Variants in RSBN1L observed in about 807,000 individuals in gnomAD.
RSBN1L encodes round spermatid basic protein 1 like.
A neutral mutation model predicts 67.7 loss-of-function variants in RSBN1L; 30 were observed. The ratio of observed to expected loss-of-function variants is 0.44; its 90% CI spans 0.33 to 0.60. RSBN1L has a LOEUF of 0.60. RSBN1L is among the 20% of genes least tolerant of loss of function. RSBN1L has a pLI of 0.02. For synonymous variants in RSBN1L, 433 were observed against 387.0 expected, an observed-to-expected ratio of 1.12 and a Z score of -1.39; for missense variants, 992 against 1,031.7, an observed-to-expected ratio of 0.96 and a Z score of 0.53.
intron 3 of RSBN1L, among the ~76,000 whole-genome samples, chr7:77,757,326 A>G (rs1791633220): frequency 6.6e-6 from 1 of 152,124 alleles, no homozygotes. Flanking sequence ...TTCCATCTTC[A>G]TCTGTATCCT....
intron 2 of RSBN1L, among the ~76,000 whole-genome samples, chr7:77,741,691 CAAA>C (rs534456779): frequency 7.2e-5 from 6 of 83,612 alleles, no homozygotes; most frequent in Non-Finnish European, 7.8e-5. Flanking sequence ...GACTCGGTCT[CAAA>C]AAAAAAAAAA....
At chr7:77,728,667 C>G (rs368151424) in intron 1 of RSBN1L, among the ~76,000 whole-genome samples, 1 of 152,158 alleles carries the variant, frequency 6.6e-6, no homozygotes, top group Non-Finnish European at 1.5e-5. Flanking sequence ...GTGCTTCTTG[C>G]GGATTAAGGC....
intron 2 of RSBN1L, among the ~76,000 whole-genome samples, chr7:77,739,775 A>G (rs1791385067): frequency 3.4e-4 from 20 of 59,652 alleles, no homozygotes; most frequent in Non-Finnish European, 4.4e-4. Flanking sequence ...TTTTGAGAGG[A>G]GTCTTGCTCT....
At chr7:77,746,436 T>C (rs1388975026) in intron 2 of RSBN1L, among the ~76,000 whole-genome samples, 2 of 152,168 alleles carry the variant, frequency 1.3e-5, no homozygotes, top group Non-Finnish European at 2.9e-5. Flanking sequence ...TTCACCCCCA[T>C]GATTTCAGTT....
chr7:77,753,599 TC>T (rs1791581297), intron 3 of RSBN1L, among the ~76,000 whole-genome samples: 1 of 152,218 alleles, frequency 6.6e-6, no homozygotes, highest in South Asian at 2.1e-4. Context: ...AACTAGAAGT[TC>T]CTAAGTTTAA....
At chr7:77,717,379 A>C (rs536545244) in intron 1 of RSBN1L, among the ~76,000 whole-genome samples, 1 of 152,238 alleles carries the variant, frequency 6.6e-6, no homozygotes, top group East Asian at 1.9e-4. Flanking sequence ...CTAGTATATA[A>C]AAAAGACTTT....
chr7:77,761,415 T>G (rs1562807500), intron 3 of RSBN1L, among the ~76,000 whole-genome samples: 1 of 152,258 alleles, frequency 6.6e-6, no homozygotes, highest in African/African-American at 2.4e-5. Context: ...AATCCTTATC[T>G]GTTACCTCTT....
rs113253892 is a variant in RSBN1L at position 77,760,002 on chromosome 7, G to A, written c.1345-5493G>A. ...AACAGCAGGTTGTTTCAAGTGAGTCGTTCTTTGGGGTTTTTTAAAAAATTA... is the reference window on the plus strand; with the variant it reads ...AACAGCAGGTTGTTTCAAGTGAGTCATTCTTTGGGGTTTTTTAAAAAATTA... On this transcript the variant is annotated intron_variant, in intron 3 of 7. Transcript: ENST00000334955. 7.8e-3 allele frequency among the ~76,000 whole-genome samples: 1,193 copies of A among 152,170 alleles called. 16 individuals carry two copies. The highest frequency in any genetic ancestry group is 0.023 in the African/African-American group (942 of 41,506).
intron 1 of RSBN1L, among the ~76,000 whole-genome samples, chr7:77,727,909 A>AT (rs1791227925): frequency 6.6e-6 from 1 of 152,092 alleles, no homozygotes; most frequent in Non-Finnish European, 1.5e-5. Flanking sequence ...GGCTTTCTTC[A>AT]TTTTTGTGTA....
chr7:77,705,293 C>G (rs1185657002), intron 1 of RSBN1L, among the ~76,000 whole-genome samples: 1 of 151,916 alleles, frequency 6.6e-6, no homozygotes, highest in Non-Finnish European at 1.5e-5. Context: ...AAATAATTGT[C>G]TTATTGTGGT....
chr7:77,736,975 A>T lies in RSBN1L; in HGVS notation c.703+449A>T, dbSNP rs530101948. Reference sequence around the variant, plus strand: ...GAGGGAACATTTTACTCTGAGCTAAATCAGAAGCGGTATGTTTCTTGTATG... The same window carrying T: ...GAGGGAACATTTTACTCTGAGCTAATTCAGAAGCGGTATGTTTCTTGTATG... On this transcript the variant is annotated intron_variant, in intron 2 of 7. Transcript: ENST00000334955. Among the ~76,000 whole-genome samples the T allele has an allele frequency of 4.6e-5, 7 of 152,250 alleles. No homozygotes were observed. The South Asian group carries it at 1.5e-3, about 32-fold the overall frequency.
At chr7:77,720,816 A>T (rs1366104304) in intron 1 of RSBN1L, among the ~76,000 whole-genome samples, 1 of 127,328 alleles carries the variant, frequency 7.9e-6, no homozygotes, top group African/African-American at 3.1e-5. Context: ...CCCAGGCTCG[A>T]GTGCAGTGGT....
At chr7:77,702,211 C>T (rs1166800459) in intron 1 of RSBN1L, among the ~76,000 whole-genome samples, 1 of 152,136 alleles carries the variant, frequency 6.6e-6, no homozygotes, top group East Asian at 1.9e-4. Flanking sequence ...CATGATCCAC[C>T]CGCCTTGGCC....
chr7:77,749,537 A>G lies in RSBN1L; in HGVS notation c.817A>G (p.Ser273Gly). ...AAAACGGAAGCGTCCGAAAATGTATAGCAAATCTATTCAGACCATCTGCTC... is the reference window on the plus strand; with the variant it reads ...AAAACGGAAGCGTCCGAAAATGTATGGCAAATCTATTCAGACCATCTGCTC... ...NEKRKRPKMY[S>G]KSIQTICSGL... The change falls in exon 3 of 8, where the codon AGC becomes GGC. Residue 273 changes from serine to glycine, a missense_variant. This residue lies in a region of RSBN1L where 575 missense variants were observed against 483.2 expected (regional missense o/e 1.19). Coordinates refer to ENST00000334955, the MANE Select transcript of RSBN1L (RefSeq NM_198467.3). 1.9e-6 allele frequency: 3 copies of G among 1,612,648 alleles called. No individual in the cohort carries two copies. The highest frequency in any genetic ancestry group is 1.7e-6 in the Non-Finnish European group (2 of 1,179,708).
intron 2 of RSBN1L, among the ~76,000 whole-genome samples, chr7:77,742,003 C>A (rs1433262212): frequency 6.6e-6 from 1 of 151,786 alleles, no homozygotes; most frequent in Non-Finnish European, 1.5e-5. Flanking sequence ...TCACAGGACT[C>A]AGCATATGGT....
intron 1 of RSBN1L, among the ~76,000 whole-genome samples, chr7:77,700,588 C>A (rs1401083267): frequency 6.6e-6 from 1 of 152,168 alleles, no homozygotes; most frequent in Non-Finnish European, 1.5e-5. Flanking sequence ...CTACACTCTC[C>A]TCCAGTATTG....
intron 1 of RSBN1L, among the ~76,000 whole-genome samples, chr7:77,702,581 A>T (rs542510202): frequency 2.0e-5 from 3 of 152,064 alleles, no homozygotes; most frequent in African/African-American, 7.2e-5. Flanking sequence ...GAAGGCTTTC[A>T]GTTTCTTCAG....
intron 2 of RSBN1L, among the ~76,000 whole-genome samples, chr7:77,748,322 A>G (rs1457209178): frequency 2.0e-5 from 3 of 152,194 alleles, no homozygotes; most frequent in Non-Finnish European, 4.4e-5. Flanking sequence ...ATTCTGTCAA[A>G]TCACGGAGAC....
rs1406668010 is a variant in RSBN1L at position 77,781,526 on chromosome 7, T to C, written c.*2358T>C. On this transcript the variant is annotated 3_prime_UTR_variant, in exon 8 of 8. Transcript: ENST00000334955. ...CATATATGTAGATGCATTGAGGTCA[T>C]ACTGTGAGAAAATGTCTTTAGGGTA... is the stretch of plus-strand genomic sequence containing the variant. 1.3e-5 allele frequency: 2 copies of C among 152,188 alleles called. No homozygotes were observed. The highest frequency in any genetic ancestry group is 2.9e-5 in the Non-Finnish European group (2 of 68,032). The allele number at this position is 152,188 out of a possible 1,614,324, so 9.4% of individuals were successfully genotyped here.
Sources: gnomAD v4.1 joint callset for allele counts (sites outside exome capture counted in the v4.1 genomes callset) on GRCh38, gnomAD v4.1.1 for gene constraint, gnomAD v4.1.1 regional missense constraint, MANE v1.5 for transcripts, NCBI Gene and HGNC (gene_info 2026-07-23, HGNC 2026-07-21) for gene names.